The following NOP58 variants were observed in gnomAD, a reference collection of about 807,000 sequenced individuals.
NOP58 encodes the protein NOP58 ribonucleoprotein.
A neutral mutation model predicts 71.2 loss-of-function variants in NOP58; 44 were observed. That is an observed-to-expected ratio of 0.62 (90% CI 0.49 to 0.79). The LOEUF (loss-of-function observed/expected upper bound fraction) is 0.79. Among genes scored for constraint, NOP58 ranks in the 30% least tolerant of loss-of-function variants. The pLI is 0.00. For missense variants in NOP58, 538 were observed against 620.2 expected, an observed-to-expected ratio of 0.87 and a Z score of 1.41; for synonymous variants, 228 against 200.3, an observed-to-expected ratio of 1.14 and a Z score of -1.17.
At chr2:202,296,778 G>A (rs1336987434) in intron 10 of NOP58, among the ~76,000 whole-genome samples, 2 of 151,944 alleles carry the variant, frequency 1.3e-5, no homozygotes, top group African/African-American at 4.8e-5. Flanking sequence ...CTGTCGCCCA[G>A]ACTGGAGTGC....
At chr2:202,269,439 G>A (rs148721635) in intron 1 of NOP58, among the ~76,000 whole-genome samples, 7 of 151,616 alleles carry the variant, frequency 4.6e-5, no homozygotes, top group Non-Finnish European at 8.8e-5. Flanking sequence ...CATGAGGTAC[G>A]GTGTTCTGCC....
At chr2:202,292,955 T>A (rs1323777282) in intron 9 of NOP58, 52 bp downstream of exon 9, 1 of 1,603,246 alleles carries the variant, frequency 6.2e-7, no homozygotes, top group Admixed American at 1.7e-5. Flanking sequence ...TATTTTCTGG[T>A]TAGGATTTTG....
chr2:202,290,349 C>T lies in NOP58; in HGVS notation c.526C>T (p.Leu176=). 2 of 1,606,500 alleles carry T rather than the reference C, an allele frequency of 1.2e-6. No individual in the cohort carries two copies. Among genetic ancestry groups the T allele is most frequent in the Non-Finnish European group, 1.7e-6 (2 of 1,175,836 alleles). The stretch of plus-strand genomic sequence containing the variant: ...CTTGTTAGATGACTTGGATAAAGAA[C>T]TAAACAACTACATTATGCGATGTAG... ...ISLLDDLDKE[L]NNYIMRCREW... The change falls in exon 7 of 15, where the codon CTA becomes TTA. Residue 176 remains leucine (L), a synonymous_variant. Coordinates refer to ENST00000264279, the MANE Select transcript of NOP58 (RefSeq NM_015934.5).
chr2:202,302,065 T>C (rs1415218204), intron 13 of NOP58, among the ~76,000 whole-genome samples: 1 of 150,236 alleles, frequency 6.7e-6, no homozygotes, highest in African/African-American at 2.5e-5. Context: ...CTCTCTCTTT[T>C]CTTTTTCTTT....
chr2:202,282,466 C>A lies in NOP58; in HGVS notation c.291C>A (p.Val97=), dbSNP rs774989426. ...LAVADAKLGG[V]IKEKLNLSCI... ...TAGCTGATGCTAAACTAGGAGGGGT[C>A]ATAAAGGTAAAGTCACGATATTTTT... The change falls in exon 4 of 15, where the codon GTC becomes GTA. Residue 97 remains valine (V), a synonymous_variant. Transcript: ENST00000264279. 1 of 1,607,258 alleles carries A rather than the reference C, an allele frequency of 6.2e-7. No individual in the cohort carries two copies. The highest frequency in any genetic ancestry group is 1.3e-5 in the African/African-American group (1 of 74,452).
intron 9 of NOP58, chr2:202,293,210 A>AT (rs1360343465): frequency 1.9e-6 from 1 of 516,286 alleles, no homozygotes; most frequent in Admixed American, 2.2e-5. Flanking sequence ...AACAGTTAAC[A>AT]TTTTCATAAT....
In NOP58 at chr2:202,272,190, C is replaced by T. The variant is rs1195521091; in HGVS notation, c.46-2923C>T. 1.2e-4 allele frequency among the ~76,000 whole-genome samples: 15 copies of T among 122,494 alleles called. No individual in the cohort carries two copies. In the Admixed American group the frequency reaches 1.3e-3, roughly 11 times the overall value. 80.4% of individuals were successfully genotyped at this position (122,494 alleles called of 152,430 possible). A position where few individuals can be genotyped will look rare whatever the true frequency, so the allele number is the denominator to read the frequency against. Reference sequence around the variant, plus strand: ...TTTTTTTGAGACGGAGTCTTGCTGTCGCCCAGGCTGGAGTGCAGTGGCGCG... The same window carrying T: ...TTTTTTTGAGACGGAGTCTTGCTGTTGCCCAGGCTGGAGTGCAGTGGCGCG... On this transcript the variant is annotated intron_variant, in intron 1 of 14. Coordinates refer to ENST00000264279, the MANE Select transcript of NOP58 (RefSeq NM_015934.5).
Position 202,302,987 on chromosome 2 carries a change from G to A in NOP58, c.1469G>A (p.Arg490Lys), listed in dbSNP as rs987984345. 2 of 1,612,364 alleles carry A rather than the reference G, an allele frequency of 1.2e-6. No homozygotes were observed. The highest frequency in any genetic ancestry group is 1.1e-5 in the South Asian group (1 of 91,048). The change falls in exon 14 of 15, where the codon AGG becomes AAG. Residue 490 changes from arginine to lysine, a missense_variant. Coordinates refer to ENST00000264279, the MANE Select transcript of NOP58 (RefSeq NM_015934.5). ...ACATCTGTGAAGAAGAAGAAGAAAA[G>A]GGGTAAAAAGAAACACATTAAGGAA... ...EETSVKKKKKRGKKKHIKEEP... is the reference protein window; with the variant it reads ...EETSVKKKKKKGKKKHIKEEP...
At chr2:202,293,500 C>CA (rs1436110482) in intron 9 of NOP58, among the ~76,000 whole-genome samples, 1 of 152,186 alleles carries the variant, frequency 6.6e-6, no homozygotes, top group Non-Finnish European at 1.5e-5. Context: ...ACTGATTCAT[C>CA]ATTTTTATGT....
intron 1 of NOP58, among the ~76,000 whole-genome samples, chr2:202,274,216 TTTTTTTG>T (rs1486853297): frequency 3.3e-5 from 5 of 151,910 alleles, no homozygotes; most frequent in African/African-American, 1.2e-4. Flanking sequence ...AGACAAAAGT[TTTTTTTG>T]TTTTTTGTTT....
chr2:202,283,996 T>C (rs1343140237), intron 4 of NOP58, among the ~76,000 whole-genome samples: 3 of 152,030 alleles, frequency 2.0e-5, no homozygotes, highest in African/African-American at 7.2e-5. Flanking sequence ...AGGAAATAAT[T>C]TCAGGCTGGG....
At position 202,296,198 on chromosome 2, in the gene NOP58, C is replaced by T. The variant is rs562013895; in HGVS notation, c.1071+361C>T. Among the ~76,000 whole-genome samples, 95 of 152,066 alleles carry T rather than the reference C, an allele frequency of 6.2e-4. No homozygotes were observed. In the South Asian group the frequency reaches 0.019, roughly 30 times the overall value. Reference sequence around the variant, plus strand: ...TGCTAAAACACTTTGAGAGAAGTCACTAAACTTTTTTTTTTTGAGATGGAG... The same window carrying T: ...TGCTAAAACACTTTGAGAGAAGTCATTAAACTTTTTTTTTTTGAGATGGAG... On this transcript the variant is annotated intron_variant, in intron 10 of 14. Coordinates refer to ENST00000264279, the MANE Select transcript of NOP58 (RefSeq NM_015934.5).
In NOP58 at chr2:202,297,467, A is replaced by C. The variant is rs34748654; in HGVS notation, c.1160A>C (p.Asn387Thr). The C allele has an allele frequency of 6.2e-7, 1 of 1,614,072 alleles. No individual in the cohort carries two copies. Among genetic ancestry groups the C allele is most frequent in the Non-Finnish European group, 8.5e-7 (1 of 1,179,928 alleles). ...TCAAGTTCTGCAATGGGAGTTGAGAACAGAGCCAAATTAGAGGCCAGGTTG... is the reference window on the plus strand; with the variant it reads ...TCAAGTTCTGCAATGGGAGTTGAGACCAGAGCCAAATTAGAGGCCAGGTTG... ...EDSSSAMGVE[N>T]RAKLEARLRT... The change falls in exon 11 of 15, where the codon AAC becomes ACC. Residue 387 changes from asparagine (N) to threonine (T), a missense_variant. By Grantham distance (65) the Asn-to-Thr change is moderately conservative. Transcript: ENST00000264279.
chr2:202,302,816 T>G, intron 13 of NOP58, 105 bp from the exon 14 acceptor site: 1 of 1,416,414 alleles, frequency 7.1e-7, no homozygotes, highest in Non-Finnish European at 9.4e-7. Flanking sequence ...AAACATTGGG[T>G]AGTTGATGAG....
chr2:202,266,283 T>C (rs1407959385), intron 1 of NOP58, among the ~76,000 whole-genome samples: 1 of 151,874 alleles, frequency 6.6e-6, no homozygotes, highest in Non-Finnish European at 1.5e-5. Context: ...TCTAGATGTT[T>C]TGAGGAATGA....
intron 3 of NOP58, among the ~76,000 whole-genome samples, chr2:202,279,561 G>T (rs1203710250): frequency 6.6e-6 from 1 of 152,202 alleles, no homozygotes; most frequent in Admixed American, 6.5e-5. Context: ...ACTTTGGGAG[G>T]CCAAGACAGG....
Position 202,295,670 on chromosome 2 carries a change from G to GT in NOP58, c.908-3dup. The stretch of plus-strand genomic sequence containing the variant: ...GCATTCTTTGTAACTTTTTTCTTTT[G>GT]TAGGTTCTCTTTTAAATTTGGCCAA... On this transcript the variant is annotated splice_polypyrimidine_tract_variant and splice_region_variant and intron_variant, in intron 9 of 14. Transcript: ENST00000264279. 1 of 1,558,100 alleles carries GT rather than the reference G, an allele frequency of 6.4e-7. No homozygotes were observed. The highest frequency in any genetic ancestry group is 1.2e-5 in the South Asian group (1 of 82,432).
chr2:202,280,497 A>G (rs1365895614), intron 3 of NOP58, among the ~76,000 whole-genome samples: 1 of 151,900 alleles, frequency 6.6e-6, no homozygotes, highest in Non-Finnish European at 1.5e-5. Context: ...ATGTCCAGCT[A>G]ATTTTTGTAT....
chr2:202,266,684 G>GC (rs1392337710), intron 1 of NOP58, among the ~76,000 whole-genome samples: 1 of 152,194 alleles, frequency 6.6e-6, no homozygotes, highest in Non-Finnish European at 1.5e-5. Flanking sequence ...GCTGTGTGGA[G>GC]ATTAGACTCG....
Sources: gnomAD v4.1 joint callset for allele counts (sites outside exome capture counted in the v4.1 genomes callset) on GRCh38, gnomAD v4.1.1 for gene constraint, MANE v1.5 for transcripts, NCBI Gene and HGNC (gene_info 2026-07-23, HGNC 2026-07-21) for gene names.